The following MACROD2 variants were observed in gnomAD, a reference collection of about 807,000 sequenced individuals.
MACROD2 encodes the protein ADP-ribose glycohydrolase MACROD2.
MACROD2 carries 36 observed loss-of-function variants against 70.4 expected under a neutral mutation model. That is an observed-to-expected ratio of 0.51 (90% CI 0.39 to 0.68). MACROD2 has a LOEUF of 0.68. Among genes scored for constraint, MACROD2 ranks in the 30% least tolerant of loss-of-function variants. The pLI, the probability that MACROD2 is intolerant of heterozygous loss-of-function variation, is 0.00. For synonymous variants in MACROD2, 172 were observed against 178.8 expected, an observed-to-expected ratio of 0.96 and a Z score of 0.30; for missense variants, 496 against 538.4, an observed-to-expected ratio of 0.92 and a Z score of 0.78.
intron 5 of MACROD2, among the ~76,000 whole-genome samples, chr20:14,816,517 C>G (rs1373347825): frequency 6.6e-6 from 1 of 152,058 alleles, no homozygotes; most frequent in Non-Finnish European, 1.5e-5. Context: ...TGCCTTATCT[C>G]CATTTTTCAT....
intron 3 of MACROD2, among the ~76,000 whole-genome samples, chr20:14,400,888 T>A (rs1040003479): frequency 1.3e-5 from 2 of 152,194 alleles, no homozygotes; most frequent in Admixed American, 1.3e-4. Flanking sequence ...ATGATCTATA[T>A]TAATAATATC....
At chr20:15,165,821 ATATAT>A (rs1017823186) in intron 5 of MACROD2, among the ~76,000 whole-genome samples, 5 of 152,200 alleles carry the variant, frequency 3.3e-5, no homozygotes, top group Admixed American at 2.6e-4. Flanking sequence ...ACATTAAGAA[ATATAT>A]TAAATAATTT....
chr20:14,500,584 G>T (rs1305047278), intron 4 of MACROD2, among the ~76,000 whole-genome samples: 1 of 152,164 alleles, frequency 6.6e-6, no homozygotes, highest in Non-Finnish European at 1.5e-5. Context: ...GGTGGGGAGG[G>T]TTCAAAATCC....
At chr20:15,242,688 A>G (rs543981248) in intron 6 of MACROD2, among the ~76,000 whole-genome samples, 39 of 152,346 alleles carry the variant, frequency 2.6e-4, no homozygotes, top group African/African-American at 7.5e-4. Flanking sequence ...ATAAATGACC[A>G]AGAAACAGGA....
chr20:15,767,990 A>G (rs896907089), intron 8 of MACROD2, among the ~76,000 whole-genome samples: 1 of 152,154 alleles, frequency 6.6e-6, no homozygotes, highest in African/African-American at 2.4e-5. Context: ...ACCATTATTT[A>G]TAAAGCTGTA....
intron 8 of MACROD2, among the ~76,000 whole-genome samples, chr20:15,654,433 G>A (rs574307450): frequency 2.6e-5 from 4 of 152,188 alleles, no homozygotes; most frequent in East Asian, 1.9e-4. Flanking sequence ...AGAAGTCTAC[G>A]TATTAGGTTG....
chr20:14,393,463 CT>C (rs2122810571), intron 3 of MACROD2, among the ~76,000 whole-genome samples: 1 of 152,076 alleles, frequency 6.6e-6, no homozygotes, highest in Non-Finnish European at 1.5e-5. Context: ...GTTTTTTCTC[CT>C]TTTCACATTT....
chr20:15,492,227 ATT>A (rs2047240564), intron 7 of MACROD2, among the ~76,000 whole-genome samples: 1 of 151,994 alleles, frequency 6.6e-6, no homozygotes, highest in South Asian at 2.1e-4. Context: ...AAGTAATTTG[ATT>A]TCATTGCACT....
intron 7 of MACROD2, among the ~76,000 whole-genome samples, chr20:15,458,464 AATTG>A (rs1188187973): frequency 1.3e-5 from 2 of 152,096 alleles, no homozygotes; most frequent in Non-Finnish European, 2.9e-5. Flanking sequence ...ATGGGCTTAG[AATTG>A]AAAAGCTGGA....
chr20:14,597,755 T>C (rs1982237652), intron 4 of MACROD2, among the ~76,000 whole-genome samples: 1 of 152,132 alleles, frequency 6.6e-6, no homozygotes, highest in Non-Finnish European at 1.5e-5. Flanking sequence ...TGGTAAAGTC[T>C]CCTAATATTG....
chr20:14,066,835 G>A (rs1398996816), intron 2 of MACROD2, among the ~76,000 whole-genome samples: 2 of 118,064 alleles, frequency 1.7e-5, no homozygotes. Context: ...TTTTGAGACA[G>A]AGTCTTGCTC....
chr20:14,977,371 G>T (rs76627414), intron 5 of MACROD2, among the ~76,000 whole-genome samples: 6,115 of 146,926 alleles, frequency 0.042, 431 homozygotes, highest in African/African-American at 0.14. Flanking sequence ...TTTTCTTCTG[G>T]CCTCTGAGAT....
chr20:15,151,784 G>A (rs924636743), intron 5 of MACROD2, among the ~76,000 whole-genome samples: 2 of 152,036 alleles, frequency 1.3e-5, no homozygotes, highest in African/African-American at 4.8e-5. Context: ...GGCAGGTTGG[G>A]GAGGGCTAGT....
rs2048049434 is a variant in MACROD2, at chr20:15,548,173, C to T, written c.645+48326C>T. Among the ~76,000 whole-genome samples the T allele has an allele frequency of 1.3e-5, 2 of 152,168 alleles. 1 individual carries two copies. The highest frequency in any genetic ancestry group is 4.1e-4 in the South Asian group (2 of 4,828). ...TTTTGGAAACAGTTTTGGAACTTAGCTTTACCTTGTGATCTGATTATATGA... is the reference window on the plus strand; with the variant it reads ...TTTTGGAAACAGTTTTGGAACTTAGTTTTACCTTGTGATCTGATTATATGA... On this transcript the variant is annotated intron_variant, in intron 8 of 17. Transcript: ENST00000684519.
intron 5 of MACROD2, among the ~76,000 whole-genome samples, chr20:15,110,385 A>G (rs1224150957): frequency 6.6e-6 from 1 of 152,190 alleles, no homozygotes; most frequent in East Asian, 1.9e-4. Flanking sequence ...GAGAAAAGGC[A>G]AAATCAAATT....
intron 10 of MACROD2, among the ~76,000 whole-genome samples, chr20:15,890,395 T>C (rs769909607): frequency 1.3e-5 from 2 of 152,182 alleles, no homozygotes; most frequent in Non-Finnish European, 2.9e-5. Flanking sequence ...AGACGACACA[T>C]TGCAGTGACA....
At position 14,417,066 on chromosome 20, in the gene MACROD2, C is replaced by CTATCATCT. The variant is rs1555789653; in HGVS notation, c.272-76413_272-76412insTATCATCT. Among the ~76,000 whole-genome samples the CTATCATCT allele has an allele frequency of 2.2e-3, 295 of 132,588 alleles. 1 individual carries two copies. Among genetic ancestry groups the CTATCATCT allele is most frequent in the African/African-American group, 7.1e-3 (276 of 39,058 alleles). The allele number at this position is 132,588 out of a possible 152,430, so 87.0% of individuals were successfully genotyped here. ...ATCTATTATCTATCTATCTATCTAT[C>CTATCATCT]ATCTATCTATCTATCTATCTATCTA... On this transcript the variant is annotated intron_variant, in intron 3 of 17. Coordinates refer to ENST00000684519, the MANE Select transcript of MACROD2 (RefSeq NM_001351661.2).
intron 3 of MACROD2, among the ~76,000 whole-genome samples, chr20:14,240,993 G>C (rs2081924364): frequency 6.6e-6 from 1 of 152,144 alleles, no homozygotes; most frequent in Non-Finnish European, 1.5e-5. Context: ...GCTGGGTGTG[G>C]TGGCACGTGC....
At chr20:14,442,176 AG>A (rs2084131408) in intron 3 of MACROD2, among the ~76,000 whole-genome samples, 1 of 152,098 alleles carries the variant, frequency 6.6e-6, no homozygotes, top group African/African-American at 2.4e-5. Flanking sequence ...AGGCTGAGAC[AG>A]GGGAATCACT....
Sources: allele counts gnomAD v4.1 joint callset (sites outside exome capture counted in the v4.1 genomes callset), GRCh38; gene constraint gnomAD v4.1.1; transcripts MANE v1.5; gene names NCBI Gene and HGNC (gene_info 2026-07-23, HGNC 2026-07-21).